Variants in LIPC observed in about 807,000 individuals in gnomAD.
The protein encoded by LIPC is hepatic triacylglycerol lipase.
In LIPC, 44 loss-of-function variants were observed where a neutral mutation model predicts 50.7. That is an observed-to-expected ratio of 0.87 (90% CI 0.68 to 1.11). The LOEUF (loss-of-function observed/expected upper bound fraction) is 1.11, where lower values mean the gene tolerates loss of function less well. LIPC is among the 50% of genes most tolerant of loss of function. The pLI is 0.00. For missense variants in LIPC, 697 were observed against 648.2 expected, an observed-to-expected ratio of 1.08 and a Z score of -0.82; for synonymous variants, 271 against 256.4, an observed-to-expected ratio of 1.06 and a Z score of -0.54.
At chr15:58,432,677 T>A (rs1277517280) in intron 1 of LIPC, among the ~76,000 whole-genome samples, 1 of 152,234 alleles carries the variant, frequency 6.6e-6, no homozygotes, top group Non-Finnish European at 1.5e-5. Context: ...GCCTGTTTTG[T>A]TTGTAAATTC....
chr15:58,436,947 G>C (rs761090046), intron 1 of LIPC: 1 of 444,386 alleles, frequency 2.3e-6, no homozygotes, highest in East Asian at 7.0e-5. Flanking sequence ...CCATAGAACG[G>C]TGTTGATAGC....
At chr15:58,557,730 G>A (rs1272502468) in intron 6 of LIPC, among the ~76,000 whole-genome samples, 2 of 152,100 alleles carry the variant, frequency 1.3e-5, no homozygotes, top group Admixed American at 1.3e-4. Flanking sequence ...TAAACACACA[G>A]TAGACTTCCA....
chr15:58,553,323 C>T (rs558117343), intron 6 of LIPC, among the ~76,000 whole-genome samples: 3 of 152,216 alleles, frequency 2.0e-5, no homozygotes, highest in African/African-American at 4.8e-5. Context: ...TGGCCAGGCA[C>T]GGTGGCTCAC....
intron 1 of LIPC, among the ~76,000 whole-genome samples, chr15:58,438,741 G>A (rs963282816): frequency 1.3e-5 from 2 of 152,242 alleles, no homozygotes; most frequent in Admixed American, 6.5e-5. Context: ...ACAAAGTAGC[G>A]CAGTGACATC....
chr15:58,483,060 A>G (rs1891247016), intron 1 of LIPC, among the ~76,000 whole-genome samples: 1 of 152,198 alleles, frequency 6.6e-6, no homozygotes, highest in Non-Finnish European at 1.5e-5. Flanking sequence ...TTCAGGCTAA[A>G]CTATCTCCCT....
At chr15:58,507,449 C>G (rs16940391) in intron 1 of LIPC, among the ~76,000 whole-genome samples, 4,675 of 152,286 alleles carry the variant, frequency 0.031, 228 homozygotes, top group African/African-American at 0.11. Flanking sequence ...TGTGATCAGT[C>G]ATCTGCATAA....
chr15:58,567,639 T>C (rs1256219602), intron 8 of LIPC, among the ~76,000 whole-genome samples: 1 of 151,966 alleles, frequency 6.6e-6, no homozygotes, highest in Non-Finnish European at 1.5e-5. Context: ...AGTAGGAAAA[T>C]GCATTGTGGT....
At chr15:58,512,308 A>C (rs1892353364) in intron 1 of LIPC, among the ~76,000 whole-genome samples, 1 of 152,176 alleles carries the variant, frequency 6.6e-6, no homozygotes, top group Non-Finnish European at 1.5e-5. Flanking sequence ...CATGTTTGCC[A>C]GGCTGGTCTC....
At chr15:58,432,361 GTC>G (rs1399799600) in intron 1 of LIPC, 1 of 556,070 alleles carries the variant, frequency 1.8e-6, no homozygotes, top group Non-Finnish European at 3.2e-6. Flanking sequence ...TAGCAGTGAA[GTC>G]TCTTGCGTAT....
At chr15:58,533,263 C>T (rs1343581873) in intron 1 of LIPC, 2 of 668,356 alleles carry the variant, frequency 3.0e-6, no homozygotes, top group South Asian at 6.6e-5. Flanking sequence ...AAAGCATATC[C>T]TTTCCTCACA....
chr15:58,520,537 A>C (rs1164361947), intron 1 of LIPC, among the ~76,000 whole-genome samples: 2 of 152,224 alleles, frequency 1.3e-5, no homozygotes, highest in Non-Finnish European at 2.9e-5. Context: ...ACAGCTCAAC[A>C]GTATACAAGC....
chr15:58,567,215 ATATAT>A (rs1894397649), intron 8 of LIPC, among the ~76,000 whole-genome samples: 1 of 137,716 alleles, frequency 7.3e-6, no homozygotes. Flanking sequence ...AAAATAAAAA[ATATAT>A]ATATATATAT....
At chr15:58,565,427 T>A (rs1894331343) in intron 8 of LIPC, 1 of 1,430,306 alleles carries the variant, frequency 7.0e-7, no homozygotes, top group South Asian at 1.5e-5. Flanking sequence ...ACCCATGTGG[T>A]ACGGAAGAAG....
chr15:58,486,176 C>T (rs146893068), intron 1 of LIPC, among the ~76,000 whole-genome samples: 7 of 152,322 alleles, frequency 4.6e-5, no homozygotes, highest in African/African-American at 1.4e-4. Flanking sequence ...ATGTCACTGT[C>T]CCTCTGCCTG....
intron 4 of LIPC, among the ~76,000 whole-genome samples, chr15:58,544,474 C>G (rs1319298622): frequency 2.1e-5 from 3 of 141,134 alleles, no homozygotes; most frequent in African/African-American, 7.9e-5. Flanking sequence ...TGGCTCACTG[C>G]AGCCTCCACC....
chr15:58,566,404 A>T (rs1894366665), intron 8 of LIPC: 3 of 985,172 alleles, frequency 3.0e-6, no homozygotes, highest in Non-Finnish European at 3.6e-6. Flanking sequence ...TCAAACAATA[A>T]CTTCACTCTT....
At chr15:58,568,666 A>G (rs1176708157) in intron 8 of LIPC, 50 bp from the exon 9 acceptor site, 1 of 1,035,342 alleles carries the variant, frequency 9.7e-7, no homozygotes, top group South Asian at 1.3e-5. Flanking sequence ...ACACTTCAAT[A>G]AGCTCCACCT....
Position 58,541,823 on chromosome 15 carries a change from G to A in LIPC, c.312G>A (p.Val104=). The change falls in exon 3 of 9, where the codon GTG becomes GTA. Residue 104 remains valine, a synonymous_variant. Coordinates refer to ENST00000299022, the MANE Select transcript of LIPC (RefSeq NM_000236.3). ...TAGAAAACTGGATCTGGCAGATGGT[G>A]GCCGCGCTGAAGTCTCAGCCGGCCC... ...GVLENWIWQM[V]AALKSQPAQP... 1.2e-6 allele frequency: 2 copies of A among 1,613,436 alleles called. No individual in the cohort carries two copies. Among genetic ancestry groups the A allele is most frequent in the Non-Finnish European group, 1.7e-6 (2 of 1,179,932 alleles).
chr15:58,530,533 C>T (rs1231823155), intron 1 of LIPC, among the ~76,000 whole-genome samples: 1 of 152,266 alleles, frequency 6.6e-6, no homozygotes, highest in Non-Finnish European at 1.5e-5. Flanking sequence ...GGAGAAACCA[C>T]ATTATTGCTT....
Sources: allele counts gnomAD v4.1 joint callset (sites outside exome capture counted in the v4.1 genomes callset), GRCh38; gene constraint gnomAD v4.1.1; transcripts MANE v1.5; gene names NCBI Gene and HGNC (gene_info 2026-07-23, HGNC 2026-07-21).